The following PCDHA8 variants were observed in gnomAD, a reference collection of about 807,000 sequenced individuals.
PCDHA8 encodes the protein protocadherin alpha 8.
A neutral mutation model predicts 61.8 loss-of-function variants in PCDHA8; 53 were observed. The observed-to-expected ratio is 0.86, with a 90% CI of 0.69 to 1.08. The LOEUF is 1.08. PCDHA8 is among the 50% of genes least tolerant of loss of function. PCDHA8 has a pLI of 0.00. For synonymous variants in PCDHA8, 618 were observed against 556.6 expected (o/e 1.11, Z -1.55); for missense variants, 1,293 against 1,245.0 (o/e 1.04, Z -0.58).
At chr5:140,847,583 T>A (rs1323179301) in intron 1 of PCDHA8, 3 of 149,348 alleles carry the variant, frequency 2.0e-5, no homozygotes, top group African/African-American at 7.3e-5. Context: ...GGATGAGCAA[T>A]AATGAAATTA....
intron 1 of PCDHA8, chr5:140,850,527 T>C: frequency 6.3e-7 from 1 of 1,598,028 alleles, no homozygotes; most frequent in Non-Finnish European, 8.6e-7. Flanking sequence ...GGCGCCAAAG[T>C]CATCGTCGCG....
At chr5:140,888,624 C>T (rs2061910720) in intron 1 of PCDHA8, among the ~76,000 whole-genome samples, 1 of 152,198 alleles carries the variant, frequency 6.6e-6, no homozygotes, top group Non-Finnish European at 1.5e-5. Flanking sequence ...CTAATTCGGC[C>T]TTCTATTACA....
Position 140,843,598 on chromosome 5 carries a change from C to T in PCDHA8, c.2277C>T (p.Cys759=). The change falls in exon 1 of 4, where the codon TGC becomes TGT. Residue 759 remains cysteine, a synonymous_variant. Transcript: ENST00000531613. Reference sequence around the variant, plus strand: ...CGCAACAACAGCCGCAGAGGGTGTGCTCTGGTGAGGGGCCACCGAAGACGG... The same window carrying T: ...CGCAACAACAGCCGCAGAGGGTGTGTTCTGGTGAGGGGCCACCGAAGACGG... ...SYSQQQPQRV[C]SGEGPPKTDL... 6.3e-7 allele frequency: 1 copy of T among 1,595,942 alleles called. No individual in the cohort carries two copies.
At chr5:140,894,457 T>C (rs2153447013) in intron 1 of PCDHA8, among the ~76,000 whole-genome samples, 1 of 152,166 alleles carries the variant, frequency 6.6e-6, no homozygotes, top group African/African-American at 2.4e-5. Flanking sequence ...AAAAAATATT[T>C]TACTTTTTAT....
intron 3 of PCDHA8, among the ~76,000 whole-genome samples, chr5:140,987,711 T>C (rs2097265419): frequency 6.6e-6 from 1 of 152,208 alleles, no homozygotes; most frequent in South Asian, 2.1e-4. Flanking sequence ...TTTCCAGGTA[T>C]GAGTCTATCC....
rs144119560 is a variant in PCDHA8 at position 140,883,581 on chromosome 5, C to G, written c.2394+39866C>G. ...GGGGGCTCGCCTTCGCTGTGGGCCACGGCCAGCGTGTCGGTGGGGGTGGCC... is the reference window on the plus strand; with the variant it reads ...GGGGGCTCGCCTTCGCTGTGGGCCAGGGCCAGCGTGTCGGTGGGGGTGGCC... On this transcript the variant is annotated intron_variant, in intron 1 of 3. Coordinates refer to ENST00000531613, the MANE Select transcript of PCDHA8 (RefSeq NM_018911.3). 2.6e-4 allele frequency: 420 copies of G among 1,614,018 alleles called. 1 individual carries two copies. In the African/African-American group the frequency reaches 5.3e-3, roughly 20 times the overall value.
At chr5:140,851,722 C>T (rs2042141470) in intron 1 of PCDHA8, 8 of 966,996 alleles carry the variant, frequency 8.3e-6, no homozygotes, top group East Asian at 1.1e-4. Flanking sequence ...TTCGAAACTT[C>T]GAGTTCTTTT....
intron 3 of PCDHA8, among the ~76,000 whole-genome samples, chr5:141,000,395 C>A (rs664650): frequency 0.072 from 3,868 of 53,704 alleles, 168 homozygotes; most frequent in Non-Finnish European, 0.081. Flanking sequence ...CTCTCTCTCT[C>A]TATATATATA....
rs2150455604 is a variant in PCDHA8, at chr5:140,849,875, C to T, written c.2394+6160C>T. The T allele has an allele frequency of 6.9e-5, 111 of 1,598,488 alleles. 9 individuals are homozygous for T. The highest frequency in any genetic ancestry group is 8.0e-5 in the Non-Finnish European group (93 of 1,168,004). On this transcript the variant is annotated intron_variant, in intron 1 of 3. Transcript: ENST00000531613. ...CACCAGCGTTCGCGCAGTCCGAGTA[C>T]ACGGTGTTCGTGAAGGAGAACAACC...
At chr5:140,917,324 C>CGG (rs1299895515) in intron 1 of PCDHA8, among the ~76,000 whole-genome samples, 73 of 76,040 alleles carry the variant, frequency 9.6e-4, no homozygotes, top group South Asian at 2.7e-3. Flanking sequence ...GTTCATGTGG[C>CGG]GGGGGAGGGG....
At chr5:140,926,754 C>G in intron 1 of PCDHA8, 1 of 1,283,492 alleles carries the variant, frequency 7.8e-7, no homozygotes, top group South Asian at 2.2e-5. Flanking sequence ...TCGGCGGTCG[C>G]TGAGTATCCA....
rs782035990 is a variant in PCDHA8 at position 140,871,124 on chromosome 5, C to A, written c.2394+27409C>A. 142 of 1,613,206 alleles carry A rather than the reference C, an allele frequency of 8.8e-5. No individual in the cohort carries two copies. The highest frequency in any genetic ancestry group is 1.2e-4 in the Non-Finnish European group (138 of 1,179,888). Reference sequence around the variant, plus strand: ...GTGTCGTTGGTGGAGAGCGGACAGGCGCCAAAGGCCTCTTCCCGGACTTTG... The same window carrying A: ...GTGTCGTTGGTGGAGAGCGGACAGGAGCCAAAGGCCTCTTCCCGGACTTTG... On this transcript the variant is annotated intron_variant, in intron 1 of 3. Coordinates refer to ENST00000531613, the MANE Select transcript of PCDHA8 (RefSeq NM_018911.3).
intron 1 of PCDHA8, among the ~76,000 whole-genome samples, chr5:140,918,947 G>T (rs56003): frequency 0.32 from 48,109 of 152,058 alleles, 7,963 homozygotes; most frequent in East Asian, 0.53. Context: ...ATAATATCCT[G>T]AACAGACTAA....
At chr5:140,894,446 T>TA (rs2064476840) in intron 1 of PCDHA8, among the ~76,000 whole-genome samples, 2 of 152,118 alleles carry the variant, frequency 1.3e-5, no homozygotes, top group East Asian at 3.9e-4. Flanking sequence ...AGCTCTTTTT[T>TA]AAAAAATATT....
chr5:140,841,640 G>T lies in PCDHA8; in HGVS notation c.319G>T (p.Glu107Ter). 6.2e-7 allele frequency: 1 copy of T among 1,614,170 alleles called. No individual in the cohort carries two copies. The highest frequency in any genetic ancestry group is 8.5e-7 in the Non-Finnish European group (1 of 1,180,022). ...GAGCGCGGAGTGCAGCATCCACCTG[G>T]AGGTGATCGTGGACAGGCCGCTGCA... ...GRSAECSIHLEVIVDRPLQVF... is the reference protein window; with the variant it reads ...GRSAECSIHL The change falls in exon 1 of 4, where the codon GAG (glutamate) becomes TAG (stop). Residue 107 changes from glutamate (E) to a stop codon, truncating the protein, a stop_gained. Coordinates refer to ENST00000531613, the MANE Select transcript of PCDHA8 (RefSeq NM_018911.3). LOFTEE classifies it high-confidence loss of function.
At chr5:140,877,498 C>G in intron 1 of PCDHA8, 1 of 1,613,844 alleles carries the variant, frequency 6.2e-7, no homozygotes, top group Non-Finnish European at 8.5e-7. Context: ...CGGCCAGGCC[C>G]CAAAGACGTC....
At chr5:141,000,415 ATATATATTTTTTTT>A (rs2097922429) in intron 3 of PCDHA8, among the ~76,000 whole-genome samples, 2 of 87,398 alleles carry the variant, frequency 2.3e-5, no homozygotes, top group Non-Finnish European at 4.3e-5. Flanking sequence ...ATATATATAT[ATATATATTTTTTTT>A]TTTTTTTTTT....
intron 1 of PCDHA8, among the ~76,000 whole-genome samples, chr5:140,958,355 C>A (rs2095420165): frequency 6.6e-6 from 1 of 152,064 alleles, no homozygotes; most frequent in Admixed American, 6.6e-5. Context: ...CACAGTCTGA[C>A]TTTATCAGGA....
intron 1 of PCDHA8, chr5:140,881,257 C>T (rs2058639669): frequency 2.0e-6 from 1 of 512,572 alleles, no homozygotes; most frequent in Non-Finnish European, 2.5e-6. Context: ...CAAGGTTTTA[C>T]TCAGTGATGA....
Sources: allele counts gnomAD v4.1 joint callset (sites outside exome capture counted in the v4.1 genomes callset), GRCh38; gene constraint gnomAD v4.1.1; transcripts MANE v1.5; gene names NCBI Gene and HGNC (gene_info 2026-07-23, HGNC 2026-07-21).